BRIP1: variants seen among roughly 807,000 people sequenced by gnomAD.
BRIP1 encodes BRCA1 interacting DNA helicase 1.
BRIP1 carries 88 observed loss-of-function variants against 119.7 expected under a neutral mutation model. The observed-to-expected ratio is 0.74, with a 90% CI of 0.62 to 0.88. BRIP1 has a LOEUF of 0.88. BRIP1 is among the 40% of genes least tolerant of loss of function. The probability of loss-of-function intolerance (pLI) is 0.00; values close to 1 mark genes in which losing one functional copy is unlikely to be tolerated. For synonymous variants in BRIP1, 443 were observed against 496.5 expected (o/e 0.89, Z 1.43); for missense variants, 1,259 against 1,455.4 (o/e 0.87, Z 2.20).
chr17:61,835,272 C>T (rs1319091464), intron 6 of BRIP1, among the ~76,000 whole-genome samples: 1 of 152,046 alleles, frequency 6.6e-6, no homozygotes, highest in Non-Finnish European at 1.5e-5. Flanking sequence ...ATAGATTTTA[C>T]TTTCTAACAG....
At chr17:61,714,776 T>A (rs914102786) in intron 17 of BRIP1, among the ~76,000 whole-genome samples, 2 of 151,744 alleles carry the variant, frequency 1.3e-5, no homozygotes, top group Non-Finnish European at 2.9e-5. Flanking sequence ...TAGTTTGTTT[T>A]AACCCTTCTT....
Position 61,776,529 on chromosome 17 carries a change from C to G in BRIP1, c.1969G>C (p.Gly657Arg), listed in dbSNP as rs1051619247. 2 of 1,614,104 alleles carry G rather than the reference C, an allele frequency of 1.2e-6. No homozygotes were observed. Among genetic ancestry groups the G allele is most frequent in the Admixed American group, 3.3e-5 (2 of 60,024 alleles). Residue 657 changes from glycine (G) to arginine (R), a missense_variant, in exon 14 of 20, where the codon GGT becomes CGT. By Grantham distance (125) the Gly-to-Arg change is moderately radical. Around this residue, in one of 3 missense-constraint regions of BRIP1, gnomAD observed 753 missense variants for 891.8 expected, o/e 0.84. Transcript: ENST00000259008. The surrounding 1 kb of genome is among the most constrained non-coding windows in gnomAD (Gnocchi z 5.0). Reference sequence around the variant, plus strand: ...TGGAAGGTAGCACAGAGATTCCGACCCTTGGGGCCTGACCCAATGGTACCA... The same window carrying G: ...TGGAAGGTAGCACAGAGATTCCGACGCTTGGGGCCTGACCCAATGGTACCA... ...WVGTIGSGPK[G>R]RNLCATFQNT...
rs1357312726 is a variant in BRIP1 at position 61,680,297 on chromosome 17, A to G, written c.*2999T>C. ...AACCTGCGAGGCAGAGGTTGCAGTG[A>G]GCCAAGATCGTGCCTTTGCACTCCA... On this transcript the variant is annotated 3_prime_UTR_variant, in exon 20 of 20. Coordinates refer to ENST00000259008, the MANE Select transcript of BRIP1 (RefSeq NM_032043.3). Among the ~76,000 whole-genome samples the G allele has an allele frequency of 2.6e-5, 4 of 151,700 alleles. No homozygotes were observed. The highest frequency in any genetic ancestry group is 6.6e-5 in the Admixed American group (1 of 15,224).
At chr17:61,716,806 T>G (rs2061878745) in intron 16 of BRIP1, among the ~76,000 whole-genome samples, 1 of 151,500 alleles carries the variant, frequency 6.6e-6, no homozygotes, top group African/African-American at 2.4e-5. Context: ...GGAAATAATA[T>G]GCTTCCATAT....
rs2078845844 is a variant in BRIP1, at chr17:61,853,145, A to G, written c.380-3889T>C. On this transcript the variant is annotated intron_variant, in intron 4 of 19. Coordinates refer to ENST00000259008, the MANE Select transcript of BRIP1 (RefSeq NM_032043.3). The surrounding 1 kb of genome is among the most constrained non-coding windows in gnomAD (Gnocchi z 4.3). ...TACAAGGAAATAATACACAGAAACA[A>G]GAAGTACTACTATATGCAACAGCAT... Among the ~76,000 whole-genome samples the G allele has an allele frequency of 6.6e-6, 1 of 152,220 alleles. No homozygotes were observed. The highest frequency in any genetic ancestry group is 6.5e-5 in the Admixed American group (1 of 15,280).
rs752166425 is a variant in BRIP1 at position 61,808,434 on chromosome 17, A to ATTTT, written c.918+29_918+32dup. On this transcript the variant is annotated intron_variant, in intron 7 of 19. Transcript: ENST00000259008. This position sits in a 1 kb window ranked among gnomAD's most constrained non-coding sequence, Gnocchi z 4.1. Reference sequence around the variant, plus strand: ...GAGTAATTTAAATATTTTCAGCCTTATTTTTTCTCTAACACAAAATAACTT... The same window carrying ATTTT: ...GAGTAATTTAAATATTTTCAGCCTTATTTTTTTTTTCTCTAACACAAAATAACTT... The ATTTT allele has an allele frequency of 1.3e-6, 2 of 1,576,482 alleles. No homozygotes were observed. The highest frequency in any genetic ancestry group is 3.3e-5 in the Admixed American group (2 of 59,932).
chr17:61,849,654 A>G (rs1286869621), intron 4 of BRIP1, among the ~76,000 whole-genome samples: 2 of 152,236 alleles, frequency 1.3e-5, no homozygotes, highest in East Asian at 1.9e-4. Context: ...CATTGATTAT[A>G]GAATCAAGCT....
intron 16 of BRIP1, among the ~76,000 whole-genome samples, chr17:61,716,406 G>T (rs1603293647): frequency 6.6e-6 from 1 of 151,934 alleles, no homozygotes; most frequent in Admixed American, 6.6e-5. Context: ...ACCCCCAAAA[G>T]TTCCCTCTTA....
Position 61,780,781 on chromosome 17 carries a change from T to G in BRIP1, c.1794+59A>C. The G allele has an allele frequency of 6.5e-7, 1 of 1,534,552 alleles. No individual in the cohort carries two copies. The highest frequency in any genetic ancestry group is 9.0e-7 in the Non-Finnish European group (1 of 1,108,206). ...CTATCTTTAAAAGAGTCAACCACAT[T>G]TATTAAAATGCTGGTACTGAGCAAG... On this transcript the variant is annotated intron_variant, in intron 12 of 19. Coordinates refer to ENST00000259008, the MANE Select transcript of BRIP1 (RefSeq NM_032043.3). This position sits in a 1 kb window ranked among gnomAD's most constrained non-coding sequence, Gnocchi z 5.4.
At chr17:61,741,977 TC>T (rs2076992269) in intron 16 of BRIP1, among the ~76,000 whole-genome samples, 1 of 152,234 alleles carries the variant, frequency 6.6e-6, no homozygotes, top group South Asian at 2.1e-4. Flanking sequence ...GCATCTTCTT[TC>T]AATAGAAGGC....
In BRIP1 at chr17:61,687,483, C is replaced by T. The variant is rs2061379337; in HGVS notation, c.2576-1318G>A. 6.6e-6 allele frequency among the ~76,000 whole-genome samples: 1 copy of T among 151,920 alleles called. No homozygotes were observed. Among genetic ancestry groups the T allele is most frequent in the Non-Finnish European group, 1.5e-5 (1 of 67,998 alleles). On this transcript the variant is annotated intron_variant, in intron 18 of 19. Coordinates refer to ENST00000259008, the MANE Select transcript of BRIP1 (RefSeq NM_032043.3). This position sits in a 1 kb window ranked among gnomAD's most constrained non-coding sequence, Gnocchi z 5.1. ...GAAAGGGAAGATAAAACAAATAAAG[C>T]AATATTTTCTGCTTTATGTTTTAAT...
At chr17:61,711,659 A>G (rs1348386795) in intron 17 of BRIP1, among the ~76,000 whole-genome samples, 1 of 152,158 alleles carries the variant, frequency 6.6e-6, no homozygotes, top group East Asian at 1.9e-4. Flanking sequence ...ACTTGAGGCC[A>G]GGAGTTCAAG....
intron 10 of BRIP1, among the ~76,000 whole-genome samples, chr17:61,788,901 C>T (rs1320132531): frequency 6.6e-6 from 1 of 152,064 alleles, no homozygotes; most frequent in Admixed American, 6.6e-5. Context: ...GGAGACCAGC[C>T]TGGGCAACAT....
chr17:61,786,231 G>A (rs1413332221), intron 10 of BRIP1, among the ~76,000 whole-genome samples: 1 of 149,114 alleles, frequency 6.7e-6, no homozygotes, highest in Non-Finnish European at 1.5e-5. Context: ...AGAGAAGAGT[G>A]TGTGTGAGTG....
At chr17:61,785,926 G>A (rs1331229835) in intron 10 of BRIP1, among the ~76,000 whole-genome samples, 1 of 142,850 alleles carries the variant, frequency 7.0e-6, no homozygotes, top group Non-Finnish European at 1.6e-5. Flanking sequence ...TGGCAGCTGG[G>A]TTGGGGGGGG....
At chr17:61,792,330 A>C (rs1337840269) in intron 10 of BRIP1, among the ~76,000 whole-genome samples, 3 of 152,210 alleles carry the variant, frequency 2.0e-5, no homozygotes, top group Non-Finnish European at 4.4e-5. Flanking sequence ...TTGTGTTCCT[A>C]AGTAAATATC....
At chr17:61,840,557 G>A (rs552294321) in intron 6 of BRIP1, among the ~76,000 whole-genome samples, 9 of 152,122 alleles carry the variant, frequency 5.9e-5, no homozygotes, top group South Asian at 4.1e-4. Context: ...CAGGTGGATC[G>A]CTTAAGCCCA....
chr17:61,747,358 T>C (rs2077071640), intron 14 of BRIP1, among the ~76,000 whole-genome samples: 1 of 151,820 alleles, frequency 6.6e-6, no homozygotes, highest in African/African-American at 2.4e-5. Context: ...GAAAAACAAT[T>C]TAAAAAGTTG....
At chr17:61,818,206 G>C (rs1431869502) in intron 6 of BRIP1, among the ~76,000 whole-genome samples, 1 of 147,606 alleles carries the variant, frequency 6.8e-6, no homozygotes, top group Admixed American at 6.8e-5. Flanking sequence ...GGGAGGGGGG[G>C]GAAAGATGGG....
Sources: gnomAD v4.1 joint callset for allele counts (sites outside exome capture counted in the v4.1 genomes callset) on GRCh38, gnomAD v4.1.1 for gene constraint, gnomAD v4.1.1 regional missense constraint, Gnocchi (gnomAD v3.1) non-coding constraint, MANE v1.5 for transcripts, NCBI Gene and HGNC (gene_info 2026-07-23, HGNC 2026-07-21) for gene names.